Variants in OAF observed in about 807,000 individuals in gnomAD.
The protein encoded by OAF is out at first protein homolog.
In OAF, 13 loss-of-function variants were observed where a neutral mutation model predicts 22.5. The ratio of observed to expected loss-of-function variants is 0.58; its 90% confidence interval spans 0.38 to 0.92. The LOEUF (loss-of-function observed/expected upper bound fraction) is 0.92. Ranked by LOEUF, OAF falls within the 40% of genes least tolerant of loss-of-function variation. The probability of loss-of-function intolerance (pLI) is 0.00; values close to 1 mark genes in which losing one functional copy is unlikely to be tolerated. For synonymous variants in OAF, 175 were observed against 170.5 expected (o/e 1.03, Z -0.21); for missense variants, 347 against 381.8 (o/e 0.91, Z 0.76).
At chr11:120,225,129 A>G (rs1436047121) in intron 1 of OAF, among the ~76,000 whole-genome samples, 2 of 151,898 alleles carry the variant, frequency 1.3e-5, no homozygotes, top group Non-Finnish European at 2.9e-5. Context: ...CTCTGCCCTC[A>G]CCCCGTCCCG....
intron 3 of OAF, among the ~76,000 whole-genome samples, chr11:120,228,251 AT>A (rs1455441178): frequency 6.6e-6 from 1 of 151,858 alleles, no homozygotes; most frequent in African/African-American, 2.4e-5. Flanking sequence ...TGCCCAGCTA[AT>A]TTTTGTGCTT....
At chr11:120,215,737 GT>G (rs1938203878) in intron 1 of OAF, among the ~76,000 whole-genome samples, 1 of 152,156 alleles carries the variant, frequency 6.6e-6, no homozygotes, top group African/African-American at 2.4e-5. Flanking sequence ...CTGGAAGCTG[GT>G]ATTCTTGCCA....
At chr11:120,216,673 G>A (rs1938216417) in intron 1 of OAF, among the ~76,000 whole-genome samples, 2 of 152,190 alleles carry the variant, frequency 1.3e-5, no homozygotes, top group South Asian at 2.1e-4. Context: ...CTATGTCCAG[G>A]TGGAGTCCTA....
Position 120,217,818 on chromosome 11 carries a change from C to T in OAF, c.231+6308C>T, listed in dbSNP as rs548898125. 6.6e-5 allele frequency among the ~76,000 whole-genome samples: 10 copies of T among 152,330 alleles called. No homozygotes were observed. In the South Asian group the frequency reaches 8.3e-4, roughly 13 times the overall value. Reference sequence around the variant, plus strand: ...ATGTGAGGAGTGAGGTGCCAGTGCCCGCTTGGATGTCCGTCTACCCCACCG... The same window carrying T: ...ATGTGAGGAGTGAGGTGCCAGTGCCTGCTTGGATGTCCGTCTACCCCACCG... On this transcript the variant is annotated intron_variant, in intron 1 of 3. Transcript: ENST00000328965.
chr11:120,229,109 G>C lies in OAF; in HGVS notation c.789G>C (p.Leu263=), dbSNP rs370609060. 5.6e-5 allele frequency: 90 copies of C among 1,613,276 alleles called. No homozygotes were observed. The highest frequency in any genetic ancestry group is 7.4e-5 in the Non-Finnish European group (87 of 1,179,810). Reference sequence around the variant, plus strand: ...ACTTCTACGTGCCCCAGAGGCAGCTGTGTCTCTGGGATGAGGATCCCTACC... The same window carrying C: ...ACTTCTACGTGCCCCAGAGGCAGCTCTGTCTCTGGGATGAGGATCCCTACC... ...SFDFYVPQRQ[L]CLWDEDPYPG is the part of the protein sequence containing the mutation. Residue 263 remains leucine (L), a synonymous_variant, in exon 4 of 4, where the codon CTG becomes CTC. Coordinates refer to ENST00000328965, the MANE Select transcript of OAF (RefSeq NM_178507.4).
chr11:120,225,580 A>G, intron 1 of OAF, 81 bp from the exon 2 acceptor site: 1 of 1,322,726 alleles, frequency 7.6e-7, no homozygotes. Flanking sequence ...CATCCTGTTC[A>G]GGGGCCAAGC....
intron 1 of OAF, among the ~76,000 whole-genome samples, chr11:120,221,955 A>G (rs940566605): frequency 3.3e-5 from 5 of 152,168 alleles, no homozygotes; most frequent in Non-Finnish European, 5.9e-5. Context: ...TTCCCCAGCT[A>G]AGCATCTGCT....
At chr11:120,225,640 C>G in intron 1 of OAF, 21 bp from the exon 2 acceptor site, 1 of 1,573,492 alleles carries the variant, frequency 6.4e-7, no homozygotes, top group Non-Finnish European at 8.6e-7. Context: ...CAGCCGTTCC[C>G]ATCCTCCTGC....
chr11:120,212,979 G>A (rs1301701148), intron 1 of OAF, among the ~76,000 whole-genome samples: 1 of 151,560 alleles, frequency 6.6e-6, no homozygotes, highest in African/African-American at 2.4e-5. Flanking sequence ...GTTAGTGGCT[G>A]GATCCATCAG....
intron 1 of OAF, among the ~76,000 whole-genome samples, chr11:120,216,765 T>G (rs1325498212): frequency 6.6e-6 from 1 of 152,136 alleles, no homozygotes; most frequent in Non-Finnish European, 1.5e-5. Context: ...GAGAGTGAGT[T>G]AGTTCCCTCC....
At chr11:120,214,148 T>C (rs1420491246) in intron 1 of OAF, among the ~76,000 whole-genome samples, 1 of 152,202 alleles carries the variant, frequency 6.6e-6, no homozygotes, top group African/African-American at 2.4e-5. Context: ...TTTGATCACG[T>C]TGGGGAGAAC....
chr11:120,214,687 G>A (rs746907104), intron 1 of OAF, among the ~76,000 whole-genome samples: 21 of 152,196 alleles, frequency 1.4e-4, no homozygotes, highest in Admixed American at 2.0e-4. Flanking sequence ...GCCTCTACCC[G>A]CGTCAGAGTT....
intron 3 of OAF, among the ~76,000 whole-genome samples, chr11:120,227,258 T>G (rs1212692623): frequency 6.6e-6 from 1 of 152,128 alleles, no homozygotes; most frequent in Non-Finnish European, 1.5e-5. Flanking sequence ...TAGAATACCA[T>G]GATAGCTACA....
intron 2 of OAF, 75 bp downstream of exon 2, chr11:120,225,870 C>G (rs1938351406): frequency 1.2e-5 from 17 of 1,394,744 alleles, no homozygotes; most frequent in Non-Finnish European, 1.7e-5. Context: ...ATCCCGCAGA[C>G]CCGGCCCAGA....
intron 1 of OAF, among the ~76,000 whole-genome samples, chr11:120,211,926 T>G (rs1938154767): frequency 6.6e-6 from 1 of 152,046 alleles, no homozygotes; most frequent in African/African-American, 2.4e-5. Context: ...GGGCCTGGCT[T>G]CTCACCCCTG....
chr11:120,213,942 T>TGC (rs1938181242), intron 1 of OAF: 2 of 152,140 alleles, frequency 1.3e-5, no homozygotes, highest in Non-Finnish European at 2.9e-5. Flanking sequence ...CGCTGGTGTG[T>TGC]GCCTTGTAGT....
chr11:120,216,066 C>T (rs1036635071), intron 1 of OAF, among the ~76,000 whole-genome samples: 7 of 152,080 alleles, frequency 4.6e-5, no homozygotes, highest in African/African-American at 1.4e-4. Context: ...AGGGCCGCTT[C>T]GAAGGGACAA....
intron 1 of OAF, among the ~76,000 whole-genome samples, chr11:120,220,287 G>A (rs537168353): frequency 6.6e-6 from 1 of 152,284 alleles, no homozygotes; most frequent in Non-Finnish European, 1.5e-5. Flanking sequence ...TTCAGACCCT[G>A]CGTCCTGCTT....
At chr11:120,222,163 A>G (rs1172121469) in intron 1 of OAF, among the ~76,000 whole-genome samples, 1 of 152,190 alleles carries the variant, frequency 6.6e-6, no homozygotes, top group Non-Finnish European at 1.5e-5. Context: ...CGGGAGGGAC[A>G]CTGGTCAGGA....
Sources: gnomAD v4.1 joint callset for allele counts (sites outside exome capture counted in the v4.1 genomes callset) on GRCh38, gnomAD v4.1.1 for gene constraint, MANE v1.5 for transcripts, NCBI Gene and HGNC (gene_info 2026-07-23, HGNC 2026-07-21) for gene names.